Variants in RUNX2 observed in about 807,000 individuals in gnomAD.
RUNX2 encodes the protein RUNX family transcription factor 2, also known as runt-related transcription factor 2.
RUNX2 carries 10 observed loss-of-function variants against 51.7 expected under a neutral mutation model. That is an observed-to-expected ratio of 0.19 (90% CI 0.12 to 0.33). RUNX2 has a LOEUF of 0.33. Among genes scored for constraint, RUNX2 ranks in the 10% least tolerant of loss-of-function variants. The pLI is 1.00. For synonymous variants in RUNX2, 276 were observed against 273.6 expected, an observed-to-expected ratio of 1.01 and a Z score of -0.09; for missense variants, 562 against 691.3, an observed-to-expected ratio of 0.81 and a Z score of 2.10.
intron 2 of RUNX2, among the ~76,000 whole-genome samples, chr6:45,406,326 T>C (rs897934809): frequency 6.6e-6 from 1 of 152,186 alleles, no homozygotes; most frequent in Non-Finnish European, 1.5e-5. Context: ...AGTGGTGTGT[T>C]CTGGTATCCT....
At chr6:45,526,698 C>G in intron 7 of RUNX2, among the ~76,000 whole-genome samples, 1 of 152,148 alleles carries the variant, frequency 6.6e-6, no homozygotes, top group Admixed American at 6.5e-5. Context: ...CAGAAAGGCT[C>G]TTGGAACTTT....
At chr6:45,462,694 G>C (rs1007088033) in intron 5 of RUNX2, among the ~76,000 whole-genome samples, 3 of 152,200 alleles carry the variant, frequency 2.0e-5, no homozygotes, top group Non-Finnish European at 4.4e-5. Context: ...TAAAGCACAT[G>C]TTCAGTGGTT....
intron 2 of RUNX2, among the ~76,000 whole-genome samples, chr6:45,340,612 C>G (rs1451858735): frequency 6.6e-6 from 1 of 152,014 alleles, no homozygotes; most frequent in Non-Finnish European, 1.5e-5. Context: ...GCATAAGCCA[C>G]CGCACCTGGC....
chr6:45,519,071 G>T (rs974258416), intron 7 of RUNX2, among the ~76,000 whole-genome samples: 1 of 152,334 alleles, frequency 6.6e-6, no homozygotes, highest in Non-Finnish European at 1.5e-5. Context: ...TCTGCAAGGA[G>T]TAAGGTGCTA....
chr6:45,356,504 T>C (rs1015484989), intron 2 of RUNX2, among the ~76,000 whole-genome samples: 1 of 151,940 alleles, frequency 6.6e-6, no homozygotes, highest in Admixed American at 6.6e-5. Flanking sequence ...ATCAAGCAAT[T>C]CTCCTGCCTC....
chr6:45,493,678 A>G (rs557418136), intron 6 of RUNX2, among the ~76,000 whole-genome samples: 1 of 152,064 alleles, frequency 6.6e-6, no homozygotes, highest in East Asian at 1.9e-4. Flanking sequence ...ACTTTAGATT[A>G]TTCATTAAGG....
chr6:45,447,621 C>T (rs992864319), intron 5 of RUNX2, among the ~76,000 whole-genome samples: 8 of 152,092 alleles, frequency 5.3e-5, no homozygotes, highest in Admixed American at 1.3e-4. Flanking sequence ...CTTCTAATGT[C>T]GTTATCTGAT....
At chr6:45,419,576 C>T (rs774215274) in intron 2 of RUNX2, among the ~76,000 whole-genome samples, 1 of 152,222 alleles carries the variant, frequency 6.6e-6, no homozygotes, top group Non-Finnish European at 1.5e-5. Flanking sequence ...GTCTCTCTCT[C>T]TCTTTTTTGA....
chr6:45,527,379 C>A (rs1162021261), intron 7 of RUNX2, among the ~76,000 whole-genome samples: 1 of 152,036 alleles, frequency 6.6e-6, no homozygotes, highest in Non-Finnish European at 1.5e-5. Flanking sequence ...CTCACTCTGG[C>A]GGTTGGGTGG....
chr6:45,365,157 A>G, intron 2 of RUNX2: 1 of 1,188,488 alleles, frequency 8.4e-7, no homozygotes, highest in Non-Finnish European at 1.2e-6. Flanking sequence ...CAACATGAAT[A>G]AATTTAAAAT....
At chr6:45,379,680 C>A (rs1052285414) in intron 2 of RUNX2, among the ~76,000 whole-genome samples, 1 of 152,082 alleles carries the variant, frequency 6.6e-6, no homozygotes, top group African/African-American at 2.4e-5. Flanking sequence ...TCCTGGCCAA[C>A]ATGATGAAAC....
intron 2 of RUNX2, among the ~76,000 whole-genome samples, chr6:45,331,747 G>A (rs1327588644): frequency 2.0e-5 from 3 of 151,872 alleles, no homozygotes; most frequent in South Asian, 2.1e-4. Context: ...TGATCAATCC[G>A]TCTCTATATC....
intron 5 of RUNX2, among the ~76,000 whole-genome samples, chr6:45,464,773 C>T (rs867083784): frequency 2.6e-5 from 4 of 152,344 alleles, no homozygotes; most frequent in Middle Eastern, 3.4e-3. Context: ...CAGAAGCTGT[C>T]ATTTTCATAA....
At chr6:45,370,644 T>C (rs1180599787) in intron 2 of RUNX2, among the ~76,000 whole-genome samples, 3 of 152,296 alleles carry the variant, frequency 2.0e-5, no homozygotes, top group African/African-American at 7.2e-5. Context: ...CAGGAATCCA[T>C]ATAATGGGCA....
intron 2 of RUNX2, among the ~76,000 whole-genome samples, chr6:45,386,132 A>G (rs1490369919): frequency 1.3e-5 from 2 of 150,822 alleles, no homozygotes; most frequent in Admixed American, 6.6e-5. Context: ...CAATGGAACA[A>G]TCTCGGCTCA....
rs576988336 is a variant in RUNX2, at chr6:45,545,302, C to T, written c.1087+20C>T. ...AGGCAGGTGAGACTTTTAACAATTG[C>T]TGGGCTGGGCAGGGCTGGGCTGGGC... On this transcript the variant is annotated intron_variant, in intron 8 of 8. Coordinates refer to ENST00000647337, the MANE Select transcript of RUNX2 (RefSeq NM_001024630.4). 69 of 1,536,852 alleles carry T rather than the reference C, an allele frequency of 4.5e-5. No homozygotes were observed. In the Admixed American group the frequency reaches 8.5e-4, roughly 19 times the overall value.
At chr6:45,474,373 ATGTGTGTGTGTG>A (rs56719456) in intron 5 of RUNX2, among the ~76,000 whole-genome samples, 57 of 149,514 alleles carry the variant, frequency 3.8e-4, no homozygotes, top group South Asian at 8.6e-4. Flanking sequence ...TGTTTTATAT[ATGTGTGTGTGTG>A]TGTGTGTGTG....
intron 2 of RUNX2, among the ~76,000 whole-genome samples, chr6:45,338,484 T>C (rs1412781641): frequency 6.6e-6 from 1 of 152,074 alleles, no homozygotes. Context: ...ATATTTTGAA[T>C]TAAGAAACTT....
chr6:45,399,805 A>AGGAG, intron 2 of RUNX2, among the ~76,000 whole-genome samples: 1 of 143,376 alleles, frequency 7.0e-6, no homozygotes, highest in Non-Finnish European at 1.5e-5. Context: ...GAAGGAAGGA[A>AGGAG]GGAGGGAGGG....
Sources: allele counts gnomAD v4.1 joint callset (sites outside exome capture counted in the v4.1 genomes callset), GRCh38; gene constraint gnomAD v4.1.1; transcripts MANE v1.5; gene names NCBI Gene and HGNC (gene_info 2026-07-23, HGNC 2026-07-21).